The following MUC3A variants were observed in gnomAD, a reference collection of about 807,000 sequenced individuals.
MUC3A encodes mucin-3A.
Under a neutral mutation model 109.0 loss-of-function variants are expected in MUC3A, and 109 were observed. The observed-to-expected ratio is 1.00, with a 90% CI of 0.86 to 1.17. MUC3A has a LOEUF of 1.17. MUC3A is among the 50% of genes most tolerant of loss of function. The pLI is 0.00. For synonymous variants in MUC3A, 1,398 were observed against 981.4 expected (o/e 1.42, Z -7.93); for missense variants, 3,537 against 2,469.4 (o/e 1.43, Z -9.16).
intron 6 of MUC3A, chr7:100,965,070 C>T: frequency 8.9e-7 from 1 of 1,129,124 alleles, no homozygotes; most frequent in South Asian, 1.6e-5. Flanking sequence ...GTCAGCATTT[C>T]CCGGATGGCT....
chr7:100,955,467 T>TCAGCAATGTC lies in MUC3A; in HGVS notation c.3691_3700dup (p.Thr1234SerfsTer40). 1 of 581,214 alleles carries TCAGCAATGTC rather than the reference T, an allele frequency of 1.7e-6. No homozygotes were observed. The highest frequency in any genetic ancestry group is 3.2e-5 in the Admixed American group (1 of 31,300). The allele number at this position is 581,214 out of a possible 1,614,324, so 36.0% of individuals were successfully genotyped here. A position where few individuals can be genotyped will look rare whatever the true frequency, so the allele number is the denominator to read the frequency against. ...ATCAACATTCACTGTTTCCAGTTCC[T>TCAGCAATGTC]CAGCAATGTCCACAAGTGTCATTCC... On this transcript the variant is annotated frameshift_variant, in exon 2 of 12. Coordinates refer to ENST00000379458, the MANE Select transcript of MUC3A (RefSeq NM_005960.2). LOFTEE classifies it high-confidence loss of function.
At position 100,966,459 on chromosome 7, in the gene MUC3A, G is replaced by T; in HGVS notation, c.9685G>T (p.Gly3229Trp). The change falls in exon 9 of 12, where the codon GGG becomes TGG. Residue 3229 changes from glycine to tryptophan, a missense_variant. Coordinates refer to ENST00000379458, the MANE Select transcript of MUC3A (RefSeq NM_005960.2). ...EVAVHWRALV[G>W]GLTAGAALLV... ...GGCCGTCCACTGGAGGGCGCTGGTC[G>T]GGGGCCTGACGGCCGGCGCCGCGCT... The T allele has an allele frequency of 3.0e-6, 4 of 1,343,670 alleles. No individual in the cohort carries two copies. Among genetic ancestry groups the T allele is most frequent in the East Asian group, 2.8e-5 (1 of 35,764 alleles). 83.2% of individuals were successfully genotyped at this position (1,343,670 alleles called of 1,614,324 possible).
intron 3 of MUC3A, among the ~76,000 whole-genome samples, chr7:100,961,993 G>A (rs1584808726): frequency 0.017 from 148 of 8,760 alleles, 4 homozygotes; most frequent in Middle Eastern, 0.077. Context: ...AGCACTTTGG[G>A]AGGCCGAGGC....
In MUC3A at chr7:100,964,792, G is replaced by C; in HGVS notation, c.9331G>C (p.Glu3111Gln). Residue 3111 changes from glutamate to glutamine, a missense_variant, in exon 6 of 12, where the codon GAG becomes CAG. Glu to Gln is a conservative substitution (Grantham distance 29). Coordinates refer to ENST00000379458, the MANE Select transcript of MUC3A (RefSeq NM_005960.2). ...TGAGCAGGTGAAGACCACGCTGAAG[G>C]AGGGGCTGCAGAACGCCAGCCAGGA... ...EYEQVKTTLK[E>Q]GLQNASQDVN... 1 of 1,598,258 alleles carries C rather than the reference G, an allele frequency of 6.3e-7. No homozygotes were observed. Among genetic ancestry groups the C allele is most frequent in the South Asian group, 1.1e-5 (1 of 91,086 alleles).
At position 100,966,440 on chromosome 7, in the gene MUC3A, C is replaced by A; in HGVS notation, c.9666C>A (p.Val3222=). 3 of 1,350,488 alleles carry A rather than the reference C, an allele frequency of 2.2e-6. No homozygotes were observed. Among genetic ancestry groups the A allele is most frequent in the Non-Finnish European group, 2.8e-6 (3 of 1,058,902 alleles). The allele number at this position is 1,350,488 out of a possible 1,614,324, so 83.7% of individuals were successfully genotyped here. Residue 3222 remains valine (V), a synonymous_variant, in exon 9 of 12, where the codon GTC becomes GTA. Coordinates refer to ENST00000379458, the MANE Select transcript of MUC3A (RefSeq NM_005960.2). ...WFSGPRCEVA[V]HWRALVGGLT... ...CTGGCCCGCGCTGCGAGGTGGCCGT[C>A]CACTGGAGGGCGCTGGTCGGGGGCC...
At chr7:100,949,898 G>A (rs1791886892) in intron 1 of MUC3A, among the ~76,000 whole-genome samples, 3 of 151,314 alleles carry the variant, frequency 2.0e-5, no homozygotes, top group Middle Eastern at 3.4e-3. Flanking sequence ...GGAAAACCGA[G>A]GTTGGGAAAG....
rs1792012078 is a variant in MUC3A, at chr7:100,952,999, T to C, written c.1220T>C (p.Ile407Thr). ...HSTPSFSSST[I>T]YSTVSTSTTA... ...ACTCCCAGCTTCTCTTCATCAACCA[T>C]CTACTCCACAGTCAGCACATCCACA... Residue 407 changes from isoleucine (I) to threonine (T), a missense_variant, in exon 2 of 12, where the codon ATC becomes ACC. Transcript: ENST00000379458. 6.3e-7 allele frequency: 1 copy of C among 1,592,622 alleles called. No individual in the cohort carries two copies. The highest frequency in any genetic ancestry group is 8.5e-7 in the Non-Finnish European group (1 of 1,174,438).
At chr7:100,963,038 C>G (rs1161145363) in intron 3 of MUC3A, 113 bp from the exon 4 acceptor site, 5 of 1,231,536 alleles carry the variant, frequency 4.1e-6, no homozygotes, top group Non-Finnish European at 5.7e-6. Flanking sequence ...CATCAGTCCT[C>G]AGGGATCTTG....
intron 7 of MUC3A, 46 bp downstream of exon 7, chr7:100,965,393 C>T (rs1792497196): frequency 6.3e-7 from 1 of 1,578,754 alleles, no homozygotes; most frequent in Non-Finnish European, 8.6e-7. Flanking sequence ...GGCTATGATC[C>T]GGGCTACCAG....
At chr7:100,966,584 G>C (rs765389821) in intron 9 of MUC3A, 25 bp downstream of exon 9, 17 of 1,579,316 alleles carry the variant, frequency 1.1e-5, no homozygotes, top group Non-Finnish European at 1.3e-5. Flanking sequence ...GGCGGGGCCG[G>C]GGGGCGAGGG....
Position 100,957,665 on chromosome 7 carries a change from C to T in MUC3A, c.5886C>T (p.Ile1962=). ...GCTCTCCCAGCTTCACTTCTTCGAT[C>T]ACCACCACCGAGACCACATCCCACA... ...SHSSPSFTSS[I]TTTETTSHNT... The change falls in exon 2 of 12, where the codon ATC becomes ATT. Residue 1962 remains isoleucine (I), a synonymous_variant. Coordinates refer to ENST00000379458, the MANE Select transcript of MUC3A (RefSeq NM_005960.2). 2 of 1,550,406 alleles carry T rather than the reference C, an allele frequency of 1.3e-6. No homozygotes were observed. The highest frequency in any genetic ancestry group is 8.8e-7 in the Non-Finnish European group (1 of 1,140,312).
rs1222708423 is a variant in MUC3A at position 100,954,370 on chromosome 7, C to G, written c.2591C>G (p.Pro864Arg). 2 of 390,812 alleles carry G rather than the reference C, an allele frequency of 5.1e-6. No individual in the cohort carries two copies. Among genetic ancestry groups the G allele is most frequent in the Non-Finnish European group, 8.9e-6 (2 of 224,564 alleles). The allele number at this position is 390,812 out of a possible 1,614,324, so 24.2% of individuals were successfully genotyped here. ...CCAACAACTGTCATTCCCTCATCTC[C>G]CACTGTCCAGAATACAGAAATCTCA... ...ARPTTVIPSS[P>R]TVQNTEISIS... is the part of the protein sequence containing the mutation. The change falls in exon 2 of 12, where the codon CCC (proline) becomes CGC (arginine). Residue 864 changes from proline to arginine, a missense_variant. Coordinates refer to ENST00000379458, the MANE Select transcript of MUC3A (RefSeq NM_005960.2).
chr7:100,950,303 C>T (rs748639593), intron 1 of MUC3A, among the ~76,000 whole-genome samples: 1 of 152,308 alleles, frequency 6.6e-6, no homozygotes, highest in Non-Finnish European at 1.5e-5. Context: ...TCCAAGGGTG[C>T]GTCTGAGACT....
In MUC3A at chr7:100,959,763, T is replaced by G; in HGVS notation, c.7984T>G (p.Ser2662Ala). 1.9e-6 allele frequency: 3 copies of G among 1,598,172 alleles called. No homozygotes were observed. Among genetic ancestry groups the G allele is most frequent in the Non-Finnish European group, 2.5e-6 (3 of 1,179,650 alleles). ...LTSTSEFTTE[S>A]FTRGSTSTNA... is the part of the protein sequence containing the mutation. ...ATCTACAAGTGAGTTCACTACAGAA[T>G]CTTTCACTAGGGGAAGTACGTCTAC... Residue 2662 changes from serine (S) to alanine (A), a missense_variant, in exon 2 of 12, where the codon TCT becomes GCT. Ser to Ala is a moderately conservative substitution (Grantham distance 99, BLOSUM62 1). Coordinates refer to ENST00000379458, the MANE Select transcript of MUC3A (RefSeq NM_005960.2).
In MUC3A at chr7:100,952,058, C is replaced by G; in HGVS notation, c.279C>G (p.Asn93Lys). 6.3e-7 allele frequency: 1 copy of G among 1,598,670 alleles called. No homozygotes were observed. The highest frequency in any genetic ancestry group is 8.5e-7 in the Non-Finnish European group (1 of 1,179,810). ...HDTLISETLL[N>K]SPVSSNTSTT... ...CACTCATCTCTGAAACATTGCTCAA[C>G]TCTCCAGTCAGTTCCAACACCTCAA... is the stretch of plus-strand genomic sequence containing the variant. The change falls in exon 2 of 12, where the codon AAC becomes AAG. Residue 93 changes from asparagine to lysine, a missense_variant. Physicochemically the swap from Asn to Lys is moderately conservative, Grantham distance 94 (BLOSUM62 0). Coordinates refer to ENST00000379458, the MANE Select transcript of MUC3A (RefSeq NM_005960.2).
Position 100,955,515 on chromosome 7 carries a change from A to G in MUC3A, c.3736A>G (p.Thr1246Ala). Residue 1246 changes from threonine to alanine, a missense_variant, in exon 2 of 12, where the codon ACA becomes GCA. Thr to Ala is a moderately conservative substitution (Grantham distance 58). Transcript: ENST00000379458. Reference protein sequence around the residue: ...VIPSSPSIQNTETSSLVSMTS... With the variant: ...VIPSSPSIQNAETSSLVSMTS... ...TCCATCTTCCCCCAGCATCCAGAAT[A>G]CAGAAACCTCATCCCTTGTCAGCAT... 5.7e-6 allele frequency: 3 copies of G among 524,170 alleles called. No individual in the cohort carries two copies. The South Asian group carries it at 9.1e-5, about 16-fold the overall frequency. The allele number at this position is 524,170 out of a possible 1,614,324, so 32.5% of individuals were successfully genotyped here.
Position 100,956,247 on chromosome 7 carries a change from TCTA to T in MUC3A, c.4471_4473del (p.Thr1491del). 1 of 501,826 alleles carries T rather than the reference TCTA, an allele frequency of 2.0e-6. No homozygotes were observed. Among genetic ancestry groups the T allele is most frequent in the Non-Finnish European group, 3.5e-6 (1 of 285,496 alleles). 31.1% of individuals were successfully genotyped at this position (501,826 alleles called of 1,614,324 possible). A position where few individuals can be genotyped will look rare whatever the true frequency, so the allele number is the denominator to read the frequency against. Reference sequence around the variant, plus strand: ...TCCCACCACTATGACAGAGACATCATCTACTGCCACCTCTCTTCCACCCACCTC... The same window carrying T: ...TCCCACCACTATGACAGAGACATCATCTGCCACCTCTCTTCCACCCACCTC... On this transcript the variant is annotated inframe_deletion, in exon 2 of 12. Coordinates refer to ENST00000379458, the MANE Select transcript of MUC3A (RefSeq NM_005960.2).
chr7:100,961,773 A>G (rs1792337674), intron 3 of MUC3A, among the ~76,000 whole-genome samples: 1 of 152,312 alleles, frequency 6.6e-6, no homozygotes. Context: ...AGATTTCGCC[A>G]CTGCACACTA....
Position 100,965,282 on chromosome 7 carries a change from C to G in MUC3A, c.9383C>G (p.Thr3128Ser). ...QDVNSCQDSQ[T>S]LCFKPDSIKV... ...TCCATCTGTGCCTGTGTTTCCGCAGCCCTGTGTTTTAAGCCTGACTCCATC... is the reference window on the plus strand; with the variant it reads ...TCCATCTGTGCCTGTGTTTCCGCAGGCCTGTGTTTTAAGCCTGACTCCATC... Residue 3128 changes from threonine to serine, a missense_variant and splice_region_variant, in exon 7 of 12, where the codon ACC becomes AGC. By Grantham distance (58) the Thr-to-Ser change is moderately conservative (BLOSUM62 1). Coordinates refer to ENST00000379458, the MANE Select transcript of MUC3A (RefSeq NM_005960.2). 1.9e-6 allele frequency: 3 copies of G among 1,599,048 alleles called. No homozygotes were observed. Among genetic ancestry groups the G allele is most frequent in the Non-Finnish European group, 2.5e-6 (3 of 1,179,656 alleles).
Sources: allele counts gnomAD v4.1 joint callset (sites outside exome capture counted in the v4.1 genomes callset), GRCh38; gene constraint gnomAD v4.1.1; transcripts MANE v1.5; gene names NCBI Gene and HGNC (gene_info 2026-07-23, HGNC 2026-07-21).